KCNIP4: variants seen among roughly 807,000 people sequenced by gnomAD.
KCNIP4 encodes Kv channel-interacting protein 4.
In KCNIP4, 12 loss-of-function variants were observed where a neutral mutation model predicts 34.0. That is an observed-to-expected ratio of 0.35 (90% confidence interval 0.23 to 0.57). The LOEUF (loss-of-function observed/expected upper bound fraction) is 0.57. KCNIP4 is among the 20% of genes least tolerant of loss of function. The pLI is 0.83. For synonymous variants in KCNIP4, 124 were observed against 102.2 expected (o/e 1.21, Z -1.29); for missense variants, 238 against 311.7 (o/e 0.76, Z 1.78).
intron 3 of KCNIP4, among the ~76,000 whole-genome samples, chr4:20,795,088 T>C (rs1713276478): frequency 6.6e-6 from 1 of 152,142 alleles, no homozygotes; most frequent in South Asian, 2.1e-4. Context: ...TGTGGCAAGT[T>C]ATGATAAACA....
At chr4:21,227,292 C>T (rs1577919481) in intron 1 of KCNIP4, among the ~76,000 whole-genome samples, 1 of 152,158 alleles carries the variant, frequency 6.6e-6, no homozygotes, top group South Asian at 2.1e-4. Flanking sequence ...AGGAATCATG[C>T]TCAGAATCTC....
intron 1 of KCNIP4, among the ~76,000 whole-genome samples, chr4:20,950,204 G>C (rs1235943603): frequency 6.6e-6 from 1 of 150,950 alleles, no homozygotes; most frequent in African/African-American, 2.4e-5. Flanking sequence ...TTACCAGGAA[G>C]ATCTACAGCT....
Position 21,375,805 on chromosome 4 carries a change from G to A in KCNIP4, c.62-493096C>T, listed in dbSNP as rs192599422. Among the ~76,000 whole-genome samples the A allele has an allele frequency of 8.8e-3, 1,340 of 152,096 alleles. 7 individuals are homozygous for A. Among genetic ancestry groups the A allele is most frequent in the Middle Eastern group, 0.017 (5 of 294 alleles). On this transcript the variant is annotated intron_variant, in intron 1 of 8. Coordinates refer to ENST00000382152, the MANE Select transcript of KCNIP4 (RefSeq NM_025221.6). The stretch of plus-strand genomic sequence containing the variant: ...GATGGTCTTGATCTCCTGACCTCGT[G>A]ATTGGCCCGCCTCAGCCTCCCAAAG...
intron 1 of KCNIP4, among the ~76,000 whole-genome samples, chr4:21,647,304 T>C (rs1014490233): frequency 2.0e-4 from 30 of 152,134 alleles, no homozygotes; most frequent in African/African-American, 5.1e-4. Context: ...ACAGGGAAAC[T>C]GATTACTACA....
intron 1 of KCNIP4, among the ~76,000 whole-genome samples, chr4:21,470,447 G>A (rs1254541043): frequency 6.6e-6 from 1 of 152,140 alleles, no homozygotes; most frequent in East Asian, 1.9e-4. Context: ...CTTGTAACAT[G>A]CTACTCTCTG....
At chr4:20,889,874 G>A (rs1725738555) in intron 1 of KCNIP4, among the ~76,000 whole-genome samples, 2 of 150,176 alleles carry the variant, frequency 1.3e-5, no homozygotes, top group Non-Finnish European at 1.5e-5. Flanking sequence ...ATAAAACAAA[G>A]CAATACAAAA....
chr4:21,045,119 C>G (rs891637852), intron 1 of KCNIP4, among the ~76,000 whole-genome samples: 1 of 152,192 alleles, frequency 6.6e-6, no homozygotes, highest in Non-Finnish European at 1.5e-5. Context: ...CTTTATTTTA[C>G]TTCATGCTCC....
intron 1 of KCNIP4, among the ~76,000 whole-genome samples, chr4:21,776,341 T>C (rs1280465249): frequency 6.6e-6 from 1 of 152,200 alleles, no homozygotes; most frequent in African/African-American, 2.4e-5. Flanking sequence ...GGTTTTTTTT[T>C]TCGATGGGAG....
intron 1 of KCNIP4, among the ~76,000 whole-genome samples, chr4:21,444,654 C>T (rs1727813515): frequency 6.6e-6 from 1 of 152,106 alleles, no homozygotes; most frequent in Non-Finnish European, 1.5e-5. Context: ...TTATGATAAC[C>T]CCATAGCCAA....
intron 1 of KCNIP4, among the ~76,000 whole-genome samples, chr4:21,921,928 G>T (rs12641888): frequency 0.25 from 38,579 of 152,050 alleles, 5,721 homozygotes; most frequent in East Asian, 0.61. Flanking sequence ...TCCTAACACA[G>T]TTAGATTCAA....
At chr4:20,956,522 TCTTA>T (rs1170933553) in intron 1 of KCNIP4, among the ~76,000 whole-genome samples, 1 of 151,882 alleles carries the variant, frequency 6.6e-6, no homozygotes, top group Admixed American at 6.6e-5. Context: ...AAAAGTTTTC[TCTTA>T]CTTTATTATT....
chr4:21,362,709 T>A (rs866894713), intron 1 of KCNIP4, among the ~76,000 whole-genome samples: 1 of 152,144 alleles, frequency 6.6e-6, no homozygotes, highest in Non-Finnish European at 1.5e-5. Context: ...GACAGTCACA[T>A]CCTTCTGTGG....
chr4:20,781,497 C>T (rs1756865152), intron 3 of KCNIP4, among the ~76,000 whole-genome samples: 1 of 152,202 alleles, frequency 6.6e-6, no homozygotes, highest in Non-Finnish European at 1.5e-5. Context: ...TACAGTTCCA[C>T]ATGGCTGGGG....
intron 1 of KCNIP4, among the ~76,000 whole-genome samples, chr4:21,360,024 CTCAT>C (rs1210178746): frequency 6.6e-6 from 1 of 152,094 alleles, no homozygotes; most frequent in African/African-American, 2.4e-5. Flanking sequence ...GATCCATCTA[CTCAT>C]TCATTCATTC....
intron 1 of KCNIP4, among the ~76,000 whole-genome samples, chr4:21,769,285 A>G (rs1441997905): frequency 1.3e-5 from 2 of 151,994 alleles, no homozygotes; most frequent in African/African-American, 2.4e-5. Flanking sequence ...AACCGTTTCT[A>G]TTTTTGCATT....
At chr4:21,227,184 G>T (rs1577919350) in intron 1 of KCNIP4, among the ~76,000 whole-genome samples, 1 of 152,324 alleles carries the variant, frequency 6.6e-6, no homozygotes, top group East Asian at 1.9e-4. Context: ...CACTGAGCAT[G>T]TTGCAGTAAA....
At chr4:21,894,746 C>G (rs2109408473) in intron 1 of KCNIP4, among the ~76,000 whole-genome samples, 1 of 152,318 alleles carries the variant, frequency 6.6e-6, no homozygotes, top group East Asian at 1.9e-4. Flanking sequence ...AACTTGCCAA[C>G]AGAAGTTGGT....
intron 1 of KCNIP4, among the ~76,000 whole-genome samples, chr4:20,907,070 T>A (rs1465179511): frequency 6.6e-6 from 1 of 152,198 alleles, no homozygotes. Flanking sequence ...AGAGTATATG[T>A]GTGTAGTCCT....
chr4:21,349,717 G>A (rs1306088559), intron 1 of KCNIP4, among the ~76,000 whole-genome samples: 6 of 152,148 alleles, frequency 3.9e-5, no homozygotes, highest in Non-Finnish European at 7.4e-5. Context: ...AAGGTAGAGT[G>A]TGCAGGGGCA....
Sources: allele counts gnomAD v4.1 joint callset (sites outside exome capture counted in the v4.1 genomes callset), GRCh38; gene constraint gnomAD v4.1.1; transcripts MANE v1.5; gene names NCBI Gene and HGNC (gene_info 2026-07-23, HGNC 2026-07-21).